The following DACH1 variants were observed in gnomAD, a reference collection of about 807,000 sequenced individuals.
DACH1 encodes dachshund homolog 1.
DACH1 carries 12 observed loss-of-function variants against 54.2 expected under a neutral mutation model. The observed-to-expected ratio is 0.22, with a 90% CI of 0.14 to 0.36. The LOEUF is 0.36. Among genes scored for constraint, DACH1 ranks in the 10% least tolerant of loss-of-function variants. The pLI is 1.00. For missense variants in DACH1, 805 were observed against 929.8 expected (o/e 0.87, Z 1.75); for synonymous variants, 386 against 366.2 (o/e 1.05, Z -0.62).
intron 10 of DACH1, among the ~76,000 whole-genome samples, chr13:71,444,784 C>T (rs561060850): frequency 7.2e-5 from 11 of 152,086 alleles, no homozygotes; most frequent in Non-Finnish European, 1.2e-4. Context: ...GGTACCTAAG[C>T]TGGTGCTGCT....
chr13:71,705,376 ACT>A (rs34349625), intron 1 of DACH1, among the ~76,000 whole-genome samples: 38,026 of 152,042 alleles, frequency 0.25, 12,498 homozygotes, highest in African/African-American at 0.76. Context: ...GTTGGCTACA[ACT>A]CTCTCAGCAC....
At chr13:71,577,866 G>A (rs1028653891) in intron 3 of DACH1, among the ~76,000 whole-genome samples, 1 of 152,104 alleles carries the variant, frequency 6.6e-6, no homozygotes, top group Non-Finnish European at 1.5e-5. Context: ...TTGAGTGTGT[G>A]TACGCACGGC....
chr13:71,692,711 C>CG (rs1376301571), intron 1 of DACH1, among the ~76,000 whole-genome samples: 1 of 151,330 alleles, frequency 6.6e-6, no homozygotes, highest in African/African-American at 2.4e-5. Flanking sequence ...TTAGTAGAGA[C>CG]GGGGTTTCAC....
chr13:71,677,884 T>C (rs1594087068), intron 2 of DACH1, among the ~76,000 whole-genome samples: 1 of 152,070 alleles, frequency 6.6e-6, no homozygotes, highest in Non-Finnish European at 1.5e-5. Flanking sequence ...CATGTCCAGC[T>C]AATTTTTGTA....
At chr13:71,730,630 C>A (rs1208904616) in intron 1 of DACH1, among the ~76,000 whole-genome samples, 2 of 152,044 alleles carry the variant, frequency 1.3e-5, no homozygotes, top group Non-Finnish European at 2.9e-5. Flanking sequence ...TATGTGTGTA[C>A]AGATATATAC....
In DACH1 at chr13:71,506,733, G is replaced by A. The variant is rs150072619; in HGVS notation, c.1571-17585C>T. Among the ~76,000 whole-genome samples the A allele has an allele frequency of 2.0e-3, 305 of 152,148 alleles. 11 individuals carry two copies. The East Asian group carries it at 0.049, about 24-fold the overall frequency. ...ATATTGATCAATGGAACAGAACAGAGCCCTCAGAAATAATGCCACATATCT... is the reference window on the plus strand; with the variant it reads ...ATATTGATCAATGGAACAGAACAGAACCCTCAGAAATAATGCCACATATCT... On this transcript the variant is annotated intron_variant, in intron 6 of 10. Transcript: ENST00000613252.
intron 3 of DACH1, among the ~76,000 whole-genome samples, chr13:71,615,434 T>C (rs1046910265): frequency 5.9e-5 from 9 of 152,218 alleles, no homozygotes; most frequent in African/African-American, 2.2e-4. Flanking sequence ...TGTTTAGAGC[T>C]GGAGTACATA....
At chr13:71,498,657 G>T (rs930838188) in intron 6 of DACH1, among the ~76,000 whole-genome samples, 2 of 23,072 alleles carry the variant, frequency 8.7e-5, no homozygotes, top group Non-Finnish European at 1.3e-3. Context: ...GGGGAAAGAA[G>T]AAAAAAAAAA....
chr13:71,522,607 T>C (rs1464426358), intron 6 of DACH1, among the ~76,000 whole-genome samples: 1 of 152,056 alleles, frequency 6.6e-6, no homozygotes, highest in Non-Finnish European at 1.5e-5. Context: ...AAATACAACC[T>C]TCAGTTTATT....
chr13:71,452,469 G>C (rs550238330), intron 10 of DACH1, among the ~76,000 whole-genome samples: 1 of 152,168 alleles, frequency 6.6e-6, no homozygotes, highest in Admixed American at 6.5e-5. Context: ...AATTACATCA[G>C]CTATATCAGA....
intron 10 of DACH1, among the ~76,000 whole-genome samples, chr13:71,453,871 T>C (rs1003814019): frequency 6.6e-6 from 1 of 152,104 alleles, no homozygotes; most frequent in African/African-American, 2.4e-5. Flanking sequence ...GACACTTTCA[T>C]AGGGAAATAA....
intron 7 of DACH1, among the ~76,000 whole-genome samples, chr13:71,485,818 A>C (rs1320590911): frequency 6.6e-6 from 1 of 151,432 alleles, no homozygotes; most frequent in Non-Finnish European, 1.5e-5. Flanking sequence ...CTGGACCTTG[A>C]GATCCACCCA....
chr13:71,703,910 C>T (rs1882293883), intron 1 of DACH1, among the ~76,000 whole-genome samples: 2 of 151,986 alleles, frequency 1.3e-5, no homozygotes, highest in South Asian at 4.1e-4. Context: ...ACAAATAATC[C>T]AAGACCGTCT....
chr13:71,779,348 T>C (rs1287868032), intron 1 of DACH1, among the ~76,000 whole-genome samples: 1 of 149,804 alleles, frequency 6.7e-6, no homozygotes, highest in African/African-American at 2.4e-5. Context: ...CAGAAAACGT[T>C]TTAAGAGTTT....
At chr13:71,687,770 A>C (rs1384836624) in intron 1 of DACH1, among the ~76,000 whole-genome samples, 1 of 152,072 alleles carries the variant, frequency 6.6e-6, no homozygotes, top group Non-Finnish European at 1.5e-5. Context: ...CACTATGCCT[A>C]GGTGATTTTT....
At chr13:71,668,444 T>C (rs1161227121) in intron 2 of DACH1, among the ~76,000 whole-genome samples, 3 of 152,108 alleles carry the variant, frequency 2.0e-5, no homozygotes, top group Non-Finnish European at 4.4e-5. Context: ...GAAATGTGTT[T>C]TATCTGAATA....
intron 10 of DACH1, among the ~76,000 whole-genome samples, chr13:71,458,224 C>T (rs1236706801): frequency 6.6e-6 from 1 of 151,694 alleles, no homozygotes; most frequent in African/African-American, 2.4e-5. Flanking sequence ...CAGATTTTAA[C>T]TTTAATAAAG....
In DACH1 at chr13:71,650,259, T is replaced by C. The variant is rs188609729; in HGVS notation, c.965-19542A>G. Among the ~76,000 whole-genome samples the C allele has an allele frequency of 3.9e-5, 6 of 152,306 alleles. No homozygotes were observed. The East Asian group carries it at 1.2e-3, about 29-fold the overall frequency. On this transcript the variant is annotated intron_variant, in intron 2 of 10. Coordinates refer to ENST00000613252, the MANE Select transcript of DACH1 (RefSeq NM_080759.6). The stretch of plus-strand genomic sequence containing the variant: ...CACATCAGCAATGTTTCCTCTACCA[T>C]TACATTGGTTTCTTGGTCAATGGCT...
intron 1 of DACH1, among the ~76,000 whole-genome samples, chr13:71,804,679 A>G (rs1887422435): frequency 6.6e-6 from 1 of 152,086 alleles, no homozygotes; most frequent in Non-Finnish European, 1.5e-5. Context: ...CTGGAATGCC[A>G]TTAGCTCCAC....
Sources: gnomAD v4.1 joint callset for allele counts (sites outside exome capture counted in the v4.1 genomes callset) on GRCh38, gnomAD v4.1.1 for gene constraint, MANE v1.5 for transcripts, NCBI Gene and HGNC (gene_info 2026-07-23, HGNC 2026-07-21) for gene names.